RASA3: variants seen among roughly 807,000 people sequenced by gnomAD.
RASA3 encodes the protein RAS p21 protein activator 3.
RASA3 carries 73 observed loss-of-function variants against 110.0 expected under a neutral mutation model. The observed-to-expected ratio is 0.66, with a 90% CI of 0.55 to 0.81. The LOEUF (loss-of-function observed/expected upper bound fraction) is 0.81, where lower values mean the gene tolerates loss of function less well. RASA3 is among the 30% of genes least tolerant of loss of function. The probability of loss-of-function intolerance (pLI) is 0.00; values close to 1 mark genes in which losing one functional copy is unlikely to be tolerated. For missense variants in RASA3, 976 were observed against 1,113.2 expected (o/e 0.88, Z 1.75); for synonymous variants, 500 against 451.4 (o/e 1.11, Z -1.37).
intron 1 of RASA3, among the ~76,000 whole-genome samples, chr13:114,104,729 G>A (rs1331259535): frequency 1.3e-5 from 2 of 152,236 alleles, no homozygotes; most frequent in Admixed American, 6.5e-5. Flanking sequence ...CCTTATTTAC[G>A]ACTCAGGACA....
intron 4 of RASA3, 28 bp from the exon 5 acceptor site, chr13:114,029,915 A>C: frequency 6.5e-7 from 1 of 1,540,674 alleles, no homozygotes; most frequent in East Asian, 2.4e-5. Flanking sequence ...GGGGTGTCAG[A>C]GGCTGTGGCG....
At chr13:114,077,559 T>A (rs2079708780) in intron 1 of RASA3, among the ~76,000 whole-genome samples, 1 of 80,934 alleles carries the variant, frequency 1.2e-5, no homozygotes, top group Non-Finnish European at 2.3e-5. Flanking sequence ...CGATGCCCAG[T>A]CCCACCGCAC....
intron 21 of RASA3, 31 bp downstream of exon 21, chr13:113,996,500 G>A (rs1290997582): frequency 2.5e-6 from 4 of 1,595,392 alleles, no homozygotes; most frequent in South Asian, 1.1e-5. Context: ...CCTGCACAGT[G>A]CACGAGCTGG....
rs1348093832 is a variant in RASA3 at position 114,014,418 on chromosome 13, C to G, written c.1405+791G>C. On this transcript the variant is annotated intron_variant, in intron 14 of 23. Transcript: ENST00000334062. This position sits in a 1 kb window ranked among gnomAD's most constrained non-coding sequence, Gnocchi z 4.5. ...TCAGGGGTGGGGACAGCGTTTGTCT[C>G]CTGGGGACACAGAAGCGTGGACGGC... Among the ~76,000 whole-genome samples, 2 of 152,158 alleles carry G rather than the reference C, an allele frequency of 1.3e-5. No homozygotes were observed. Among genetic ancestry groups the G allele is most frequent in the Admixed American group, 1.3e-4 (2 of 15,286 alleles).
rs184924578 is a variant in RASA3 at position 114,039,127 on chromosome 13, T to A, written c.372+1873A>T. Among the ~76,000 whole-genome samples the A allele has an allele frequency of 1.9e-3, 289 of 152,326 alleles. 2 individuals are homozygous for A. The highest frequency in any genetic ancestry group is 6.8e-3 in the African/African-American group (281 of 41,584). On this transcript the variant is annotated intron_variant, in intron 4 of 23. Transcript: ENST00000334062. ...AGCTGGCTCCGAGCCTGGCGGCCTG[T>A]GCTGGGACTCTGCACTCAGACACAC... is the stretch of plus-strand genomic sequence containing the variant.
chr13:113,999,638 C>T lies in RASA3; in HGVS notation c.1879G>A (p.Glu627Lys), dbSNP rs754584819. 13 of 1,613,174 alleles carry T rather than the reference C, an allele frequency of 8.1e-6. No homozygotes were observed. Among genetic ancestry groups the T allele is most frequent in the Non-Finnish European group, 5.1e-6 (6 of 1,179,794 alleles). The change falls in exon 20 of 24, where the codon GAG (glutamate) becomes AAG (lysine). Residue 627 changes from glutamate to lysine, a missense_variant. Coordinates refer to ENST00000334062, the MANE Select transcript of RASA3 (RefSeq NM_007368.4). Reference sequence around the variant, plus strand: ...AGCTTCTCCACTGCCAGGATGTTCTCGATGGGAATGCTGTAGAGAGGCTGG... The same window carrying T: ...AGCTTCTCCACTGCCAGGATGTTCTTGATGGGAATGCTGTAGAGAGGCTGG... ...GDQPLYSIPI[E>K]NILAVEKLEE...
intron 4 of RASA3, 45 bp downstream of exon 4, chr13:114,040,955 G>T: frequency 6.3e-7 from 1 of 1,581,886 alleles, no homozygotes. Context: ...GAAGCCCCAT[G>T]GTGTCCCAGG....
intron 17 of RASA3, 83 bp from the exon 18 acceptor site, chr13:114,007,689 G>A (rs1158499446): frequency 1.2e-5 from 14 of 1,155,278 alleles, no homozygotes; most frequent in Non-Finnish European, 1.8e-5. Flanking sequence ...AGCGTCGGCG[G>A]CTACTGCCTC....
chr13:114,040,856 G>A, intron 4 of RASA3, 144 bp downstream of exon 4: 6 of 758,546 alleles, frequency 7.9e-6, no homozygotes, highest in Non-Finnish European at 4.4e-6. Context: ...AGCACAAGTG[G>A]GCGAACACGC....
intron 1 of RASA3, among the ~76,000 whole-genome samples, chr13:114,079,716 T>A (rs1011627819): frequency 2.0e-5 from 3 of 152,156 alleles, no homozygotes; most frequent in Non-Finnish European, 4.4e-5. Flanking sequence ...TAGAGACCCC[T>A]CTCCGGGCTC....
At chr13:114,067,727 C>T (rs921695443) in intron 2 of RASA3, among the ~76,000 whole-genome samples, 2 of 152,190 alleles carry the variant, frequency 1.3e-5, no homozygotes, top group Middle Eastern at 3.2e-3. Flanking sequence ...GCACACAGGA[C>T]GGGACGGGCT....
chr13:113,991,601 G>A (rs896464716), intron 22 of RASA3, among the ~76,000 whole-genome samples: 4 of 152,164 alleles, frequency 2.6e-5, no homozygotes, highest in Admixed American at 6.5e-5. Flanking sequence ...TGGTCTAACT[G>A]GGCTTATCTG....
chr13:114,066,733 G>C (rs2079458209), intron 2 of RASA3, among the ~76,000 whole-genome samples: 1 of 152,244 alleles, frequency 6.6e-6, no homozygotes, highest in Non-Finnish European at 1.5e-5. Flanking sequence ...CTGTGAGCCA[G>C]CATGACACGG....
chr13:114,055,741 C>A (rs148727726), intron 2 of RASA3, among the ~76,000 whole-genome samples: 3 of 152,190 alleles, frequency 2.0e-5, no homozygotes, highest in African/African-American at 7.2e-5. Context: ...CAGCCCCGTT[C>A]GCTCCCGGCA....
intron 1 of RASA3, among the ~76,000 whole-genome samples, chr13:114,123,755 G>A (rs934407374): frequency 3.3e-5 from 5 of 152,210 alleles, no homozygotes; most frequent in African/African-American, 9.6e-5. Flanking sequence ...GGCCATGCGG[G>A]GCTGGGAGCC....
At chr13:114,072,106 C>T (rs913575954) in intron 2 of RASA3, among the ~76,000 whole-genome samples, 2 of 152,138 alleles carry the variant, frequency 1.3e-5, no homozygotes, top group African/African-American at 4.8e-5. Context: ...CCCAGCCGCC[C>T]CATGCTTCCC....
chr13:114,016,548 A>T lies in RASA3; in HGVS notation c.1207-277T>A, dbSNP rs59460376. On this transcript the variant is annotated intron_variant, in intron 12 of 23. Coordinates refer to ENST00000334062, the MANE Select transcript of RASA3 (RefSeq NM_007368.4). ...AGGGACAAGTGAGAGGTCAGGCGCA[A>T]ACACTAGGCACGGGGCCCAGTCCAT... Among the ~76,000 whole-genome samples the T allele has an allele frequency of 1.6e-3, 245 of 152,298 alleles. 2 individuals carry two copies. Among genetic ancestry groups the T allele is most frequent in the African/African-American group, 5.8e-3 (241 of 41,582 alleles).
At chr13:114,110,915 C>T (rs767847220) in intron 1 of RASA3, among the ~76,000 whole-genome samples, 5 of 152,158 alleles carry the variant, frequency 3.3e-5, no homozygotes, top group Admixed American at 1.3e-4. Context: ...CCGTGGGCCC[C>T]GGTCGGGGGC....
At chr13:114,125,668 C>T (rs2080437036) in intron 1 of RASA3, among the ~76,000 whole-genome samples, 1 of 152,198 alleles carries the variant, frequency 6.6e-6, no homozygotes, top group Non-Finnish European at 1.5e-5. Context: ...CTCACTCAGC[C>T]ACTGGCCACA....
Sources: gnomAD v4.1 joint callset for allele counts (sites outside exome capture counted in the v4.1 genomes callset) on GRCh38, gnomAD v4.1.1 for gene constraint, Gnocchi (gnomAD v3.1) non-coding constraint, MANE v1.5 for transcripts, NCBI Gene and HGNC (gene_info 2026-07-23, HGNC 2026-07-21) for gene names.